HBS1L: variants seen among roughly 807,000 people sequenced by gnomAD.
The protein encoded by HBS1L is HBS1-like protein.
In HBS1L, 55 loss-of-function variants were observed where a neutral mutation model predicts 88.9. The observed-to-expected ratio is 0.62, with a 90% CI of 0.50 to 0.77. The LOEUF (loss-of-function observed/expected upper bound fraction) is 0.77, where lower values mean the gene tolerates loss of function less well. Ranked by LOEUF, HBS1L falls within the 30% of genes least tolerant of loss-of-function variation. HBS1L has a pLI of 0.00. For missense variants in HBS1L, 741 were observed against 829.3 expected (o/e 0.89, Z 1.31); for synonymous variants, 267 against 288.5 (o/e 0.93, Z 0.76).
intron 4 of HBS1L, among the ~76,000 whole-genome samples, chr6:135,024,901 A>C (rs1776182974): frequency 6.6e-6 from 1 of 152,170 alleles, no homozygotes; most frequent in African/African-American, 2.4e-5. Flanking sequence ...AAAAAAGAGA[A>C]ATCTTCTTCC....
At chr6:135,041,130 T>C (rs1417834891) in intron 3 of HBS1L, among the ~76,000 whole-genome samples, 1 of 137,666 alleles carries the variant, frequency 7.3e-6, no homozygotes, top group Non-Finnish European at 1.6e-5. Flanking sequence ...AGTAATCTAC[T>C]GGCAATACCC....
intron 2 of HBS1L, among the ~76,000 whole-genome samples, chr6:135,044,151 T>C (rs1269883532): frequency 6.6e-6 from 1 of 152,214 alleles, no homozygotes; most frequent in East Asian, 1.9e-4. Flanking sequence ...TTACATCTCC[T>C]ATCAAGCTTT....
In HBS1L at chr6:134,962,921, A is replaced by C. The variant is rs970908414; in HGVS notation, c.*2358T>G. ...GTCTTCTTACACAGTGGATCCTCGA[A>C]ATAATATCACCACTCCTTTCAACCA... On this transcript the variant is annotated 3_prime_UTR_variant, in exon 18 of 18. Coordinates refer to ENST00000367837, the MANE Select transcript of HBS1L (RefSeq NM_006620.4). 1 of 152,214 alleles carries C rather than the reference A, an allele frequency of 6.6e-6. No individual in the cohort carries two copies. The highest frequency in any genetic ancestry group is 2.4e-5 in the African/African-American group (1 of 41,462). 9.4% of individuals were successfully genotyped at this position (152,214 alleles called of 1,614,324 possible).
At chr6:135,031,709 G>A (rs532303650) in intron 4 of HBS1L, among the ~76,000 whole-genome samples, 12 of 152,090 alleles carry the variant, frequency 7.9e-5, no homozygotes, top group African/African-American at 2.4e-4. Flanking sequence ...CCCCTTTGAC[G>A]TAAGAATCAT....
chr6:134,961,125 G>T lies in HBS1L; in HGVS notation c.*4154C>A, dbSNP rs2114728894. ...TTTTTTTTTTGCATTGATATGAATA[G>T]TTTCACTAATTCCATTCATGGTTAC... On this transcript the variant is annotated 3_prime_UTR_variant, in exon 18 of 18. Transcript: ENST00000367837. 1.1e-4 allele frequency: 10 copies of T among 94,970 alleles called. No individual in the cohort carries two copies. Among genetic ancestry groups the T allele is most frequent in the South Asian group, 3.5e-4 (1 of 2,844 alleles). 5.9% of individuals were successfully genotyped at this position (94,970 alleles called of 1,614,324 possible). A position where few individuals can be genotyped will look rare whatever the true frequency, so the allele number is the denominator to read the frequency against.
intron 15 of HBS1L, 142 bp downstream of exon 15, chr6:134,978,537 T>G: frequency 2.2e-6 from 1 of 452,742 alleles, no homozygotes; most frequent in Non-Finnish European, 3.9e-6. Flanking sequence ...ATTTTCTAAT[T>G]ATAAGTTTTT....
Position 134,963,037 on chromosome 6 carries a change from CTATT to C in HBS1L, c.*2238_*2241del, listed in dbSNP as rs1365006743. Reference sequence around the variant, plus strand: ...TGAATAAATGCATTCATTTCTACTACTATTTGTTTATGCTAAACTGTAAACTAAA... The same window carrying C: ...TGAATAAATGCATTCATTTCTACTACTGTTTATGCTAAACTGTAAACTAAA... On this transcript the variant is annotated 3_prime_UTR_variant, in exon 18 of 18. Coordinates refer to ENST00000367837, the MANE Select transcript of HBS1L (RefSeq NM_006620.4). The C allele has an allele frequency of 1.3e-5, 2 of 152,184 alleles. No homozygotes were observed. The highest frequency in any genetic ancestry group is 2.9e-5 in the Non-Finnish European group (2 of 68,022). 9.4% of individuals were successfully genotyped at this position (152,184 alleles called of 1,614,324 possible).
intron 12 of HBS1L, among the ~76,000 whole-genome samples, chr6:134,984,084 C>T (rs961324141): frequency 3.3e-5 from 5 of 152,162 alleles, no homozygotes; most frequent in Non-Finnish European, 7.4e-5. Context: ...AGCCAGGAAG[C>T]AGCCTGAAGG....
At chr6:134,977,943 C>G (rs1774698379) in intron 15 of HBS1L, among the ~76,000 whole-genome samples, 1 of 152,050 alleles carries the variant, frequency 6.6e-6, no homozygotes, top group African/African-American at 2.4e-5. Flanking sequence ...TCACAAGTAA[C>G]AGCTTTTCAG....
intron 4 of HBS1L, among the ~76,000 whole-genome samples, chr6:135,028,399 A>T (rs2114873840): frequency 6.6e-6 from 1 of 152,328 alleles, no homozygotes; most frequent in Middle Eastern, 3.4e-3. Context: ...TACAATGCAC[A>T]ACAAATACAT....
intron 4 of HBS1L, among the ~76,000 whole-genome samples, chr6:135,009,365 T>C (rs1406485502): frequency 6.6e-6 from 1 of 152,186 alleles, no homozygotes; most frequent in Non-Finnish European, 1.5e-5. Context: ...TCAAAATATG[T>C]ACCTGAGTAA....
chr6:134,982,441 A>G lies in HBS1L; in HGVS notation c.1597+17T>C. 6.7e-7 allele frequency: 1 copy of G among 1,499,518 alleles called. No individual in the cohort carries two copies. Among genetic ancestry groups the G allele is most frequent in the Non-Finnish European group, 9.3e-7 (1 of 1,077,850 alleles). The allele number at this position is 1,499,518 out of a possible 1,614,324, so 92.9% of individuals were successfully genotyped here. A position where few individuals can be genotyped will look rare whatever the true frequency, so the allele number is the denominator to read the frequency against. On this transcript the variant is annotated intron_variant, in intron 13 of 17. Transcript: ENST00000367837. ...AACTTAAGGCTTGTTTAGCAAAAGCATCTTGCAGATAAATACCTTTCACGG... is the reference window on the plus strand; with the variant it reads ...AACTTAAGGCTTGTTTAGCAAAAGCGTCTTGCAGATAAATACCTTTCACGG...
At chr6:134,967,426 T>C (rs1459855345) in intron 16 of HBS1L, among the ~76,000 whole-genome samples, 1 of 152,210 alleles carries the variant, frequency 6.6e-6, no homozygotes, top group African/African-American at 2.4e-5. Context: ...AAATGGCTTG[T>C]TCCTAATTTA....
chr6:135,017,221 G>A (rs941256147), intron 4 of HBS1L, among the ~76,000 whole-genome samples: 12 of 152,008 alleles, frequency 7.9e-5, no homozygotes, highest in African/African-American at 2.4e-4. Flanking sequence ...AATCCTAATC[G>A]CTCCCCCATA....
At chr6:134,980,757 A>T (rs913721377) in intron 13 of HBS1L, among the ~76,000 whole-genome samples, 1 of 42,150 alleles carries the variant, frequency 2.4e-5, no homozygotes, top group African/African-American at 6.2e-5. Context: ...TTAATAAAGT[A>T]AAAAAAAAAA....
intron 4 of HBS1L, among the ~76,000 whole-genome samples, chr6:135,027,775 C>CTT (rs1337611146): frequency 1.2e-4 from 14 of 113,538 alleles, no homozygotes; most frequent in Non-Finnish European, 2.2e-4. Context: ...AATAAAAACT[C>CTT]ATTTTTTTTT....
At chr6:134,997,816 T>C (rs1775335797) in intron 5 of HBS1L, among the ~76,000 whole-genome samples, 160 bp from the exon 6 acceptor site, 3 of 152,124 alleles carry the variant, frequency 2.0e-5, no homozygotes, top group African/African-American at 7.2e-5. Flanking sequence ...AAATGATAAG[T>C]AGCTAGACTC....
At chr6:135,009,241 T>A (rs931036376) in intron 4 of HBS1L, among the ~76,000 whole-genome samples, 10 of 152,162 alleles carry the variant, frequency 6.6e-5, no homozygotes, top group Admixed American at 2.0e-4. Context: ...TAAATTAAAA[T>A]ATATATATAT....
chr6:135,012,959 C>A lies in HBS1L; in HGVS notation c.431-10117G>T, dbSNP rs529506456. On this transcript the variant is annotated intron_variant, in intron 4 of 17. Coordinates refer to ENST00000367837, the MANE Select transcript of HBS1L (RefSeq NM_006620.4). ...AGGTAATTACCAACAGAATAAAGCA[C>A]ATATAAAGTTACATGCATACTTTTC... Among the ~76,000 whole-genome samples the A allele has an allele frequency of 2.6e-5, 4 of 152,286 alleles. No homozygotes were observed. In the East Asian group the frequency reaches 7.7e-4, roughly 29 times the overall value.
Sources: gnomAD v4.1 joint callset for allele counts (sites outside exome capture counted in the v4.1 genomes callset) on GRCh38, gnomAD v4.1.1 for gene constraint, MANE v1.5 for transcripts, NCBI Gene and HGNC (gene_info 2026-07-23, HGNC 2026-07-21) for gene names.